The following SPRED2 variants were observed in gnomAD, a reference collection of about 807,000 sequenced individuals.
SPRED2 encodes sprouty-related, EVH1 domain-containing protein 2.
Under a neutral mutation model 43.0 loss-of-function variants are expected in SPRED2, and 47 were observed. The observed-to-expected ratio is 1.09, with a 90% CI of 0.87 to 1.40. SPRED2 has a LOEUF of 1.40. Ranked by LOEUF, SPRED2 falls within the 40% of genes most tolerant of loss-of-function variation. The pLI is 0.00. For synonymous variants in SPRED2, 225 were observed against 225.7 expected (o/e 1.00, Z 0.03); for missense variants, 561 against 586.4 (o/e 0.96, Z 0.45).
chr2:65,330,298 A>G (rs1572843538), intron 4 of SPRED2, among the ~76,000 whole-genome samples: 1 of 152,254 alleles, frequency 6.6e-6, no homozygotes, highest in Non-Finnish European at 1.5e-5. Context: ...GTTGCACCCA[A>G]TATATTAAAA....
At chr2:65,420,200 A>G (rs1036178127) in intron 1 of SPRED2, among the ~76,000 whole-genome samples, 1 of 135,510 alleles carries the variant, frequency 7.4e-6, no homozygotes, top group African/African-American at 3.1e-5. Flanking sequence ...ACAGAGCAAG[A>G]CTCTGTCTCA....
intron 1 of SPRED2, among the ~76,000 whole-genome samples, chr2:65,410,758 CA>C (rs61170317): frequency 0.47 from 61,075 of 128,614 alleles, 12,235 homozygotes; most frequent in Middle Eastern, 0.62. Flanking sequence ...GACTCTGTCT[CA>C]AAAAAAAAAA....
intron 4 of SPRED2, among the ~76,000 whole-genome samples, chr2:65,330,851 C>G (rs1278063257): frequency 6.6e-6 from 1 of 152,194 alleles, no homozygotes; most frequent in South Asian, 2.1e-4. Context: ...TAAGCTCACA[C>G]GCTTGCACAG....
chr2:65,336,097 G>A (rs932719439), intron 2 of SPRED2, among the ~76,000 whole-genome samples: 1 of 152,242 alleles, frequency 6.6e-6, no homozygotes, highest in Non-Finnish European at 1.5e-5. Context: ...GCTCATGCCT[G>A]TAATCCCAGC....
At chr2:65,399,475 C>T (rs1375463615) in intron 1 of SPRED2, among the ~76,000 whole-genome samples, 4 of 149,550 alleles carry the variant, frequency 2.7e-5, no homozygotes, top group African/African-American at 7.4e-5. Context: ...CTCTGCCTCC[C>T]GGGTTCAAGT....
Position 65,354,645 on chromosome 2 carries a change from G to GT in SPRED2, c.27-9750dup, listed in dbSNP as rs34759662. On this transcript the variant is annotated intron_variant, in intron 1 of 5. Transcript: ENST00000356388. ...CTTAAGGATACCACTATATTTGTTG[G>GT]TTTTTTTTTTTAAATCTTTTCAGCA... Among the ~76,000 whole-genome samples the GT allele has an allele frequency of 3.0e-3, 445 of 146,012 alleles. 3 individuals carry two copies. Among genetic ancestry groups the GT allele is most frequent in the African/African-American group, 9.1e-3 (361 of 39,726 alleles).
At chr2:65,400,328 G>A (rs961231528) in intron 1 of SPRED2, among the ~76,000 whole-genome samples, 5 of 151,934 alleles carry the variant, frequency 3.3e-5, no homozygotes, top group African/African-American at 1.2e-4. Context: ...ATTAAATATT[G>A]CCTCCCTGTT....
chr2:65,362,980 G>GCTT (rs1297951768), intron 1 of SPRED2, among the ~76,000 whole-genome samples: 2 of 145,652 alleles, frequency 1.4e-5, no homozygotes, highest in East Asian at 4.0e-4. Context: ...TGCAGCACTT[G>GCTT]CTTTCTCTAT....
At chr2:65,376,623 A>G (rs1675244677) in intron 1 of SPRED2, among the ~76,000 whole-genome samples, 1 of 152,020 alleles carries the variant, frequency 6.6e-6, no homozygotes. Context: ...TGCAAATATT[A>G]ATATGTATTC....
intron 4 of SPRED2, among the ~76,000 whole-genome samples, chr2:65,327,349 A>C (rs927767184): frequency 1.3e-5 from 2 of 152,198 alleles, no homozygotes; most frequent in Admixed American, 6.5e-5. Flanking sequence ...TAAAAAGATG[A>C]GATGATATAT....
intron 1 of SPRED2, among the ~76,000 whole-genome samples, chr2:65,352,363 A>T (rs893036393): frequency 7.9e-5 from 12 of 152,260 alleles, no homozygotes; most frequent in Non-Finnish European, 1.6e-4. Flanking sequence ...GCTTCTCCAC[A>T]GTTATTTAAC....
At chr2:65,354,517 G>A (rs1233444741) in intron 1 of SPRED2, among the ~76,000 whole-genome samples, 1 of 151,044 alleles carries the variant, frequency 6.6e-6, no homozygotes, top group Non-Finnish European at 1.5e-5. Flanking sequence ...CAGGAAAAGA[G>A]TGATTTGGCT....
chr2:65,386,650 G>A (rs1292770676), intron 1 of SPRED2, among the ~76,000 whole-genome samples: 1 of 152,140 alleles, frequency 6.6e-6, no homozygotes, highest in Non-Finnish European at 1.5e-5. Flanking sequence ...TTACAGTATG[G>A]CTTCCATTTT....
At chr2:65,322,526 C>T (rs1475804709) in intron 4 of SPRED2, among the ~76,000 whole-genome samples, 3 of 151,888 alleles carry the variant, frequency 2.0e-5, no homozygotes, top group African/African-American at 7.3e-5. Flanking sequence ...ATCTCCTGAC[C>T]TCGTTATCCA....
At chr2:65,376,275 G>A (rs1304310351) in intron 1 of SPRED2, among the ~76,000 whole-genome samples, 1 of 152,190 alleles carries the variant, frequency 6.6e-6, no homozygotes, top group Non-Finnish European at 1.5e-5. Context: ...CTGTTGCTGA[G>A]GAAAGCATCA....
rs111548471 is a variant in SPRED2 at position 65,418,869 on chromosome 2, AT to A, written c.26+13092del. On this transcript the variant is annotated intron_variant, in intron 1 of 5. Transcript: ENST00000356388. Reference sequence around the variant, plus strand: ...CGCACCTGGCCTTTAATTTCTTATCATTTTTTTTTATTTAAAACAAGAATAT... The same window carrying A: ...CGCACCTGGCCTTTAATTTCTTATCATTTTTTTTATTTAAAACAAGAATAT... 4.0e-4 allele frequency among the ~76,000 whole-genome samples: 61 copies of A among 151,354 alleles called. 1 individual carries two copies. Among genetic ancestry groups the A allele is most frequent in the Middle Eastern group, 3.4e-3 (1 of 294 alleles).
intron 1 of SPRED2, among the ~76,000 whole-genome samples, chr2:65,346,346 G>A (rs1360046013): frequency 6.6e-6 from 1 of 150,996 alleles, no homozygotes; most frequent in Non-Finnish European, 1.5e-5. Flanking sequence ...TTTCATTGCG[G>A]TAAAATATGA....
chr2:65,374,401 G>GATTCTAAATTCATTGTTCTAA (rs1244774780), intron 1 of SPRED2, among the ~76,000 whole-genome samples: 3 of 152,224 alleles, frequency 2.0e-5, no homozygotes, highest in Admixed American at 2.0e-4. Flanking sequence ...AACTGGGCCT[G>GATTCTAAATTCATTGTTCTAA]ATTCTAAATT....
chr2:65,335,649 T>G (rs1299190795), intron 2 of SPRED2, among the ~76,000 whole-genome samples: 1 of 152,238 alleles, frequency 6.6e-6, no homozygotes, highest in East Asian at 1.9e-4. Context: ...GTACCTGATT[T>G]CAAACTATTC....
Sources: allele counts gnomAD v4.1 joint callset (sites outside exome capture counted in the v4.1 genomes callset), GRCh38; gene constraint gnomAD v4.1.1; transcripts MANE v1.5; gene names NCBI Gene and HGNC (gene_info 2026-07-23, HGNC 2026-07-21).